The following FAT3 variants were observed in gnomAD, a reference collection of about 807,000 sequenced individuals.
FAT3 encodes protocadherin Fat 3.
FAT3 carries 95 observed loss-of-function variants against 310.2 expected under a neutral mutation model. The ratio of observed to expected loss-of-function variants is 0.31; its 90% CI spans 0.26 to 0.36. The LOEUF (loss-of-function observed/expected upper bound fraction) is 0.36. Among genes scored for constraint, FAT3 ranks in the 10% least tolerant of loss-of-function variants. The probability of loss-of-function intolerance (pLI) is 1.00; values close to 1 mark genes in which losing one functional copy is unlikely to be tolerated. For missense variants in FAT3, 5,408 were observed against 5,715.6 expected, an observed-to-expected ratio of 0.95 and a Z score of 1.74; for synonymous variants, 2,314 against 2,192.9, an observed-to-expected ratio of 1.06 and a Z score of -1.54.
At chr11:92,609,217 C>T (rs535753122) in intron 3 of FAT3, among the ~76,000 whole-genome samples, 1 of 152,174 alleles carries the variant, frequency 6.6e-6, no homozygotes, top group African/African-American at 2.4e-5. Flanking sequence ...CACTTTTGCT[C>T]CATTGTGTCT....
chr11:92,870,850 T>A (rs1331402413), intron 22 of FAT3, among the ~76,000 whole-genome samples: 1 of 152,196 alleles, frequency 6.6e-6, no homozygotes, highest in Non-Finnish European at 1.5e-5. Flanking sequence ...CTGTGATAAG[T>A]GCTTACCTTG....
chr11:92,410,451 C>T lies in FAT3; in HGVS notation c.3292+55047C>T, dbSNP rs77114738. ...GGTTTGTGGAAGGGTGGAGCTTTAA[C>T]CTTGCTTCTGAGACATCTGAGAGAT... On this transcript the variant is annotated intron_variant, in intron 2 of 27. Coordinates refer to ENST00000525166, the MANE Select transcript of FAT3 (RefSeq NM_001367949.2). Among the ~76,000 whole-genome samples the T allele has an allele frequency of 1.7e-3, 262 of 152,162 alleles. 2 individuals carry two copies. Among genetic ancestry groups the T allele is most frequent in the African/African-American group, 6.2e-3 (256 of 41,504 alleles).
chr11:92,518,864 G>A (rs1031315249), intron 2 of FAT3, among the ~76,000 whole-genome samples: 17 of 151,990 alleles, frequency 1.1e-4, no homozygotes, highest in African/African-American at 2.9e-4. Flanking sequence ...TTTGTATACC[G>A]AAACTATAAA....
intron 2 of FAT3, among the ~76,000 whole-genome samples, chr11:92,478,968 T>TTTC (rs71064711): frequency 8.6e-5 from 6 of 70,028 alleles, no homozygotes; most frequent in African/African-American, 9.7e-5. Flanking sequence ...TTTTCTTTTC[T>TTTC]TTTCTTTTCT....
intron 1 of FAT3, among the ~76,000 whole-genome samples, chr11:92,301,548 G>A (rs544202825): frequency 4.6e-5 from 7 of 152,088 alleles, no homozygotes; most frequent in South Asian, 4.1e-4. Flanking sequence ...TTTCTATGTT[G>A]TCTGGGGAAT....
At position 92,567,707 on chromosome 11, in the gene FAT3, TA is replaced by T. The variant is rs1162582893; in HGVS notation, c.3607+42765del. ...TACACCATGGAATACTATGCAGCCA[TA>T]AAAAATGATGAGTTCATGTTCTTTG... On this transcript the variant is annotated intron_variant, in intron 3 of 27. Transcript: ENST00000525166. Among the ~76,000 whole-genome samples, 11 of 152,084 alleles carry T rather than the reference TA, an allele frequency of 7.2e-5. No homozygotes were observed. The East Asian group carries it at 1.9e-3, about 27-fold the overall frequency.
chr11:92,380,504 C>T (rs1321871726), intron 2 of FAT3, among the ~76,000 whole-genome samples: 2 of 152,108 alleles, frequency 1.3e-5, no homozygotes, highest in Admixed American at 6.6e-5. Flanking sequence ...TCACATGAGG[C>T]GGTGCCCATG....
chr11:92,751,108 T>A (rs752926817), intron 4 of FAT3, among the ~76,000 whole-genome samples: 2 of 152,096 alleles, frequency 1.3e-5, no homozygotes, highest in East Asian at 3.9e-4. Flanking sequence ...GGAAAGGACA[T>A]GTTTGAACTG....
In FAT3 at chr11:92,799,956, G is replaced by T. The variant is rs1447557458; in HGVS notation, c.6943G>T (p.Asp2315Tyr). ...TTTACAAGTTGTCTCTATTGATGCAGACTCAGAAAACAATAAAATGGTACA... is the reference window on the plus strand; with the variant it reads ...TTTACAAGTTGTCTCTATTGATGCATACTCAGAAAACAATAAAATGGTACA... ...PVLQVVSIDA[D>Y]SENNKMVHYQ... is the part of the protein sequence containing the mutation. The change falls in exon 10 of 28, where the codon GAC becomes TAC. Residue 2315 changes from aspartate to tyrosine, a missense_variant. Coordinates refer to ENST00000525166, the MANE Select transcript of FAT3 (RefSeq NM_001367949.2). 6.2e-7 allele frequency: 1 copy of T among 1,612,890 alleles called. No homozygotes were observed. The highest frequency in any genetic ancestry group is 2.2e-5 in the East Asian group (1 of 44,814).
intron 3 of FAT3, among the ~76,000 whole-genome samples, chr11:92,530,414 T>A (rs1160204693): frequency 2.6e-5 from 4 of 151,970 alleles, no homozygotes; most frequent in Admixed American, 2.6e-4. Context: ...ACTTTATGAG[T>A]TACCCCAACA....
intron 21 of FAT3, 53 bp downstream of exon 21, chr11:92,859,375 G>A: frequency 7.0e-7 from 1 of 1,427,624 alleles, no homozygotes; most frequent in Non-Finnish European, 9.3e-7. Flanking sequence ...TTAGTGTTTT[G>A]GCTCTTGGAT....
chr11:92,446,322 G>A (rs2135100591), intron 2 of FAT3, among the ~76,000 whole-genome samples: 1 of 152,230 alleles, frequency 6.6e-6, no homozygotes, highest in African/African-American at 2.4e-5. Flanking sequence ...ATTATGATCA[G>A]GTGAGAGATG....
intron 4 of FAT3, among the ~76,000 whole-genome samples, chr11:92,698,387 G>A (rs1944001042): frequency 6.6e-6 from 1 of 152,144 alleles, no homozygotes; most frequent in African/African-American, 2.4e-5. Context: ...CACCGGACTA[G>A]GAATCAGGCT....
intron 4 of FAT3, among the ~76,000 whole-genome samples, chr11:92,702,482 G>T (rs1174573388): frequency 6.6e-6 from 1 of 152,090 alleles, no homozygotes; most frequent in Non-Finnish European, 1.5e-5. Flanking sequence ...TGGAAAATGG[G>T]GTTAATAAAC....
chr11:92,448,798 G>T (rs72972447), intron 2 of FAT3, among the ~76,000 whole-genome samples: 4,877 of 152,234 alleles, frequency 0.032, 85 homozygotes, highest in African/African-American at 0.036. Flanking sequence ...GAATCTTAGG[G>T]ATTTAACTTG....
At chr11:92,873,028 C>G (rs1246625523) in intron 22 of FAT3, among the ~76,000 whole-genome samples, 1 of 152,124 alleles carries the variant, frequency 6.6e-6, no homozygotes, top group Non-Finnish European at 1.5e-5. Context: ...CCCATGATTT[C>G]CAGTTGTTTG....
chr11:92,806,072 A>G (rs1209527998), intron 11 of FAT3, among the ~76,000 whole-genome samples: 1 of 152,226 alleles, frequency 6.6e-6, no homozygotes, highest in Non-Finnish European at 1.5e-5. Context: ...TGGTTCCACA[A>G]GAGTGGGGAT....
At chr11:92,632,922 C>A (rs1438056364) in intron 3 of FAT3, among the ~76,000 whole-genome samples, 1 of 151,964 alleles carries the variant, frequency 6.6e-6, no homozygotes, top group Non-Finnish European at 1.5e-5. Context: ...CTGCCCCTAA[C>A]AAAGTGGCTC....
Position 92,524,628 on chromosome 11 carries a change from T to A in FAT3, c.3293-6T>A, listed in dbSNP as rs372807888. ...GTGACAGTAACACTTCTCTTTTTTG[T>A]CTCAGGGGTCATCACTGCCGCAGAC... is the stretch of plus-strand genomic sequence containing the variant. On this transcript the variant is annotated splice_polypyrimidine_tract_variant and splice_region_variant and intron_variant, in intron 2 of 27. Transcript: ENST00000525166. 6 of 1,610,734 alleles carry A rather than the reference T, an allele frequency of 3.7e-6. No individual in the cohort carries two copies. The highest frequency in any genetic ancestry group is 5.1e-6 in the Non-Finnish European group (6 of 1,177,464).
Sources: allele counts gnomAD v4.1 joint callset (sites outside exome capture counted in the v4.1 genomes callset), GRCh38; gene constraint gnomAD v4.1.1; transcripts MANE v1.5; gene names NCBI Gene and HGNC (gene_info 2026-07-23, HGNC 2026-07-21).